The following FAM240C variants were observed in gnomAD, a reference collection of about 807,000 sequenced individuals.
FAM240C encodes family with sequence similarity 240 member C.
FAM240C carries 14 observed loss-of-function variants against 10.0 expected under a neutral mutation model. The observed-to-expected ratio is 1.40, with a 90% CI of 0.92 to 2.19. The LOEUF (loss-of-function observed/expected upper bound fraction) is 2.19. Ranked by LOEUF, FAM240C falls within the 30% of genes most tolerant of loss-of-function variation. The pLI, the probability that FAM240C is intolerant of heterozygous loss-of-function variation, is 0.00. For missense variants in FAM240C, 154 were observed against 122.3 expected (o/e 1.26, Z -1.22); for synonymous variants, 49 against 44.3 (o/e 1.11, Z -0.42).
chr2:241,898,320 G>T (rs1294638903), intron 1 of FAM240C, among the ~76,000 whole-genome samples: 1 of 152,146 alleles, frequency 6.6e-6, no homozygotes, highest in African/African-American at 2.4e-5. Context: ...GGAGGTCAAG[G>T]CTGGCAGATC....
chr2:241,894,406 T>A, intron 2 of FAM240C, 67 bp from the exon 3 acceptor site: 1 of 1,492,808 alleles, frequency 6.7e-7, no homozygotes, highest in Non-Finnish European at 9.0e-7. Context: ...GCCAAGCCCG[T>A]GTCTCTCAGC....
intron 2 of FAM240C, among the ~76,000 whole-genome samples, chr2:241,895,583 G>A (rs1483962883): frequency 6.6e-6 from 1 of 152,240 alleles, no homozygotes; most frequent in Non-Finnish European, 1.5e-5. Context: ...GGAAAGTTAG[G>A]CTACTCTCTA....
intron 2 of FAM240C, among the ~76,000 whole-genome samples, chr2:241,895,787 C>T (rs967662104): frequency 1.3e-5 from 2 of 151,974 alleles, no homozygotes; most frequent in South Asian, 2.1e-4. Flanking sequence ...CACACAGTCC[C>T]GGGGCCTGAG....
chr2:241,897,344 A>G lies in FAM240C; in HGVS notation c.13-10T>C. Reference sequence around the variant, plus strand: ...GGCTTTTACTCATGTTCTGGAAAATAAAAAGTGGAGAAGAGCTCAGTCACC... The same window carrying G: ...GGCTTTTACTCATGTTCTGGAAAATGAAAAGTGGAGAAGAGCTCAGTCACC... On this transcript the variant is annotated splice_polypyrimidine_tract_variant and intron_variant, in intron 1 of 2. Coordinates refer to ENST00000404031, the MANE Select transcript of FAM240C (RefSeq NM_001382368.1). 1 of 1,549,090 alleles carries G rather than the reference A, an allele frequency of 6.5e-7. No individual in the cohort carries two copies. The highest frequency in any genetic ancestry group is 1.7e-4 in the Middle Eastern group (1 of 5,984).
upstream of FAM240C, among the ~76,000 whole-genome samples, chr2:241,901,486 T>C (rs1052123498): frequency 8.5e-5 from 13 of 152,304 alleles, no homozygotes; most frequent in African/African-American, 2.9e-4. This position sits in a 1 kb window ranked among gnomAD's most constrained non-coding sequence, Gnocchi z 4.9. Context: ...GTTGTTTTTT[T>C]TTAAACTGGA....
At chr2:241,900,558 G>A (rs184618736), upstream of FAM240C, 35 of 586,946 alleles carry the variant, frequency 6.0e-5, no homozygotes, top group Middle Eastern at 4.6e-4. This position sits in a 1 kb window ranked among gnomAD's most constrained non-coding sequence, Gnocchi z 4.5. Flanking sequence ...AGAGCTGTCC[G>A]TCCGGAGGGC....
At chr2:241,896,373 G>C (rs1363453602) in intron 2 of FAM240C, among the ~76,000 whole-genome samples, 1 of 152,156 alleles carries the variant, frequency 6.6e-6, no homozygotes, top group South Asian at 2.1e-4. Flanking sequence ...AAGGGCACAA[G>C]TACAGATACG....
intron 1 of FAM240C, among the ~76,000 whole-genome samples, chr2:241,898,635 T>A (rs28633574): frequency 0.053 from 8,074 of 152,158 alleles, 1,030 homozygotes; most frequent in East Asian, 0.48. Flanking sequence ...GGAGCCCTCC[T>A]CCCGATTTCA....
chr2:241,896,512 G>T (rs531234522), intron 2 of FAM240C, among the ~76,000 whole-genome samples: 223 of 137,696 alleles, frequency 1.6e-3, no homozygotes, highest in Non-Finnish European at 2.9e-3. Flanking sequence ...AGGGGGTGTG[G>T]GTGTTGGGGT....
At chr2:241,894,963 C>G (rs1266216101) in intron 2 of FAM240C, among the ~76,000 whole-genome samples, 4 of 152,216 alleles carry the variant, frequency 2.6e-5, no homozygotes, top group African/African-American at 9.6e-5. Context: ...CCAGGCTCCC[C>G]GAGACCTGGG....
At position 241,895,618 on chromosome 2, in the gene FAM240C, T is replaced by C. The variant is rs151086124; in HGVS notation, c.162-1279A>G. On this transcript the variant is annotated intron_variant, in intron 2 of 2. Transcript: ENST00000404031. ...AACGGGAACCCTAAGAGTGACCTCCTTAAAAGCAGTGGTTGGCCTCGTGGC... is the reference window on the plus strand; with the variant it reads ...AACGGGAACCCTAAGAGTGACCTCCCTAAAAGCAGTGGTTGGCCTCGTGGC... Among the ~76,000 whole-genome samples the C allele has an allele frequency of 7.0e-3, 1,073 of 152,324 alleles. 18 individuals are homozygous for C. Among genetic ancestry groups the C allele is most frequent in the African/African-American group, 0.024 (1,009 of 41,588 alleles).
chr2:241,894,462 G>A (rs1409126130), intron 2 of FAM240C, 123 bp from the exon 3 acceptor site: 4 of 1,142,034 alleles, frequency 3.5e-6, no homozygotes, highest in African/African-American at 3.1e-5. Context: ...CCTGCCAGGG[G>A]TGGGGGTGTC....
At chr2:241,901,175 C>T (rs569852234), upstream of FAM240C, among the ~76,000 whole-genome samples, 7 of 152,180 alleles carry the variant, frequency 4.6e-5, no homozygotes, top group East Asian at 1.9e-4. This position sits in a 1 kb window ranked among gnomAD's most constrained non-coding sequence, Gnocchi z 4.9. Context: ...CCCTCCCAGC[C>T]GCACCCAGAA....
At chr2:241,899,552 C>G (rs113436212) in intron 1 of FAM240C, among the ~76,000 whole-genome samples, 1 of 152,180 alleles carries the variant, frequency 6.6e-6, no homozygotes, top group Non-Finnish European at 1.5e-5. Context: ...AGACGCCTCC[C>G]GGAGTGAAGC....
intron 1 of FAM240C, chr2:241,899,396 G>C: frequency 3.2e-6 from 3 of 940,072 alleles, no homozygotes; most frequent in Non-Finnish European, 2.5e-6. Flanking sequence ...ACTGAACTCA[G>C]CCACGCCTGC....
intron 2 of FAM240C, among the ~76,000 whole-genome samples, chr2:241,896,600 AAGGGGTGTGGGTGT>A (rs1701818150): frequency 3.2e-4 from 1 of 3,140 alleles, no homozygotes; most frequent in Admixed American, 3.2e-3. Flanking sequence ...GGTGTGGGTG[AAGGGGTGTGGGTGT>A]GGGGGTGTGG....
At position 241,899,098 on chromosome 2, in the gene FAM240C, T is replaced by G. The variant is rs531309191; in HGVS notation, c.12+1260A>C. The G allele has an allele frequency of 1.1e-5, 14 of 1,303,060 alleles. No individual in the cohort carries two copies. In the East Asian group the frequency reaches 7.8e-4, roughly 72 times the overall value. The allele number at this position is 1,303,060 out of a possible 1,614,324, so 80.7% of individuals were successfully genotyped here. On this transcript the variant is annotated intron_variant, in intron 1 of 2. Transcript: ENST00000404031. ...GGCAGCTGAGACCCGCGGGCTCGTT[T>G]CCTGCAAACACATCACCTGCTTCAG...
At position 241,894,087 on chromosome 2, in the gene FAM240C, C is replaced by CG; in HGVS notation, c.*125dup. ...CGAGGTGGGATTATTACGGGGTCAGCGAGGTGCGGGCCATTTCCATGATGA... is the reference window on the plus strand; with the variant it reads ...CGAGGTGGGATTATTACGGGGTCAGCGGAGGTGCGGGCCATTTCCATGATGA... On this transcript the variant is annotated 3_prime_UTR_variant, in exon 3 of 3. Transcript: ENST00000404031. The CG allele has an allele frequency of 4.4e-6, 5 of 1,132,298 alleles. No homozygotes were observed. The highest frequency in any genetic ancestry group is 6.1e-6 in the Non-Finnish European group (5 of 817,254). The allele number at this position is 1,132,298 out of a possible 1,614,324, so 70.1% of individuals were successfully genotyped here.
chr2:241,897,320 G>T lies in FAM240C; in HGVS notation c.27C>A (p.Ser9Arg), dbSNP rs926174343. Residue 9 changes from serine (S) to arginine (R), a missense_variant, in exon 2 of 3, where the codon AGC becomes AGA. Coordinates refer to ENST00000404031, the MANE Select transcript of FAM240C (RefSeq NM_001382368.1). The stretch of plus-strand genomic sequence containing the variant: ...CTCTTCCAGGATTCTTAAGAGTGAG[G>T]CTTTTACTCATGTTCTGGAAAATAA... MVGKNMSK[S>R]LTLKNPGRVA... is the part of the protein sequence containing the mutation. 17 of 1,549,512 alleles carry T rather than the reference G, an allele frequency of 1.1e-5. No individual in the cohort carries two copies. The highest frequency in any genetic ancestry group is 1.4e-5 in the Non-Finnish European group (16 of 1,146,416).
Sources: gnomAD v4.1 joint callset for allele counts (sites outside exome capture counted in the v4.1 genomes callset) on GRCh38, gnomAD v4.1.1 for gene constraint, Gnocchi (gnomAD v3.1) non-coding constraint, MANE v1.5 for transcripts, NCBI Gene and HGNC (gene_info 2026-07-23, HGNC 2026-07-21) for gene names.